The following FMO1 variants were observed in gnomAD, a reference collection of about 807,000 sequenced individuals.
FMO1 encodes flavin-containing monooxygenase 1.
A neutral mutation model predicts 45.4 loss-of-function variants in FMO1; 36 were observed. The observed-to-expected ratio is 0.79, with a 90% CI of 0.61 to 1.05. The LOEUF (loss-of-function observed/expected upper bound fraction) is 1.05. Among genes scored for constraint, FMO1 ranks in the 50% least tolerant of loss-of-function variants. The probability of loss-of-function intolerance (pLI) is 0.00; values close to 1 mark genes in which losing one functional copy is unlikely to be tolerated. For synonymous variants in FMO1, 228 were observed against 227.2 expected (o/e 1.00, Z -0.03); for missense variants, 615 against 640.3 (o/e 0.96, Z 0.43).
chr1:171,280,337 A>C (rs1371497104), intron 5 of FMO1, among the ~76,000 whole-genome samples: 1 of 152,240 alleles, frequency 6.6e-6, no homozygotes, highest in Non-Finnish European at 1.5e-5. Flanking sequence ...CAATGTTAAA[A>C]AGAACAAATA....
At position 171,275,357 on chromosome 1, in the gene FMO1, C is replaced by T. The variant is rs558070598; in HGVS notation, c.333C>T (p.Cys111=). 1 of 1,613,434 alleles carries T rather than the reference C, an allele frequency of 6.2e-7. No homozygotes were observed. Among genetic ancestry groups the T allele is most frequent in the Admixed American group, 1.7e-5 (1 of 59,960 alleles). ...LKHIQFKTKV[C]SVTKCSDSAV... ...GATTCTTTTTTCAGACCAAAGTCTGCAGTGTAACAAAATGCTCAGATTCTG... is the reference window on the plus strand; with the variant it reads ...GATTCTTTTTTCAGACCAAAGTCTGTAGTGTAACAAAATGCTCAGATTCTG... The change falls in exon 4 of 9, where the codon TGC becomes TGT. Residue 111 remains cysteine (C), a synonymous_variant. Coordinates refer to ENST00000617670, the MANE Select transcript of FMO1 (RefSeq NM_001282693.2).
Position 171,282,045 on chromosome 1 carries a change from A to G in FMO1, c.895A>G (p.Ile299Val). The stretch of plus-strand genomic sequence containing the variant: ...ACGCATCATCACTGGGAAAGTGTTC[A>G]TCAGGCCAAGCATAAAAGAGGTAAA... ...PGRIITGKVF[I>V]RPSIKEVKEN... Residue 299 changes from isoleucine (I) to valine (V), a missense_variant, in exon 7 of 9, where the codon ATC (isoleucine) becomes GTC (valine). Ile to Val is a conservative substitution (Grantham distance 29). Coordinates refer to ENST00000617670, the MANE Select transcript of FMO1 (RefSeq NM_001282693.2). 1 of 1,613,776 alleles carries G rather than the reference A, an allele frequency of 6.2e-7. No individual in the cohort carries two copies. Among genetic ancestry groups the G allele is most frequent in the Non-Finnish European group, 8.5e-7 (1 of 1,179,894 alleles).
intron 2 of FMO1, among the ~76,000 whole-genome samples, chr1:171,259,660 C>T (rs28384863): frequency 0.014 from 2,189 of 152,220 alleles, 22 homozygotes; most frequent in African/African-American, 0.024. Context: ...AAAAACTAAA[C>T]CTAAAGATCA....
chr1:171,273,263 C>T (rs990222776), intron 3 of FMO1, among the ~76,000 whole-genome samples: 1 of 152,158 alleles, frequency 6.6e-6, no homozygotes, highest in African/African-American at 2.4e-5. Context: ...CTCCATTAGA[C>T]CTTTTTCCTT....
chr1:171,283,240 C>CT (rs771890990), intron 8 of FMO1, 24 bp downstream of exon 8: 2 of 391,870 alleles, frequency 5.1e-6, no homozygotes, highest in African/African-American at 5.5e-5. Context: ...TTAATGCACC[C>CT]TTTTTAAATT....
At position 171,278,765 on chromosome 1, in the gene FMO1, G is replaced by A. The variant is rs377169079; in HGVS notation, c.521G>A (p.Arg174Gln). Residue 174 changes from arginine to glutamine, a missense_variant, in exon 5 of 9, where the codon CGG becomes CAG. Transcript: ENST00000617670. ...TTTAAAGGCCAGTACTTTCATAGCCGGCAATATAAGCATCCAGATATATTT... is the reference window on the plus strand; with the variant it reads ...TTTAAAGGCCAGTACTTTCATAGCCAGCAATATAAGCATCCAGATATATTT... The part of the protein sequence containing the change: ...NAFKGQYFHS[R>Q]QYKHPDIFKD... 1.7e-5 allele frequency: 27 copies of A among 1,609,334 alleles called. No individual in the cohort carries two copies. The highest frequency in any genetic ancestry group is 6.7e-5 in the East Asian group (3 of 44,840).
chr1:171,264,906 A>T (rs1660548795), intron 2 of FMO1, among the ~76,000 whole-genome samples: 1 of 149,706 alleles, frequency 6.7e-6, no homozygotes, highest in South Asian at 2.1e-4. Context: ...CTCAAAAAAA[A>T]ACAAAAACAA....
intron 8 of FMO1, 27 bp from the exon 9 acceptor site, chr1:171,285,175 T>C: frequency 2.1e-6 from 3 of 1,445,560 alleles, no homozygotes; most frequent in Non-Finnish European, 2.8e-6. Context: ...TGTCTTCACC[T>C]TTTCCCCCAA....
rs1046522791 is a variant in FMO1 at position 171,280,959 on chromosome 1, A to G, written c.801A>G (p.Ala267=). Reference sequence around the variant, plus strand: ...AGATAAACAACTGGCTCAATCATGCAAATTACGGCTTAATACCAGAAGACA... The same window carrying G: ...AGATAAACAACTGGCTCAATCATGCGAATTACGGCTTAATACCAGAAGACA... ...ERKINNWLNH[A]NYGLIPEDRT... is the part of the protein sequence containing the mutation. Residue 267 remains alanine (A), a synonymous_variant, in exon 6 of 9, where the codon GCA becomes GCG. Coordinates refer to ENST00000617670, the MANE Select transcript of FMO1 (RefSeq NM_001282693.2). The G allele has an allele frequency of 1.9e-6, 3 of 1,613,824 alleles. No individual in the cohort carries two copies. Among genetic ancestry groups the G allele is most frequent in the Non-Finnish European group, 2.5e-6 (3 of 1,179,802 alleles).
In FMO1 at chr1:171,278,872, G is replaced by T; in HGVS notation, c.627+1G>T. 1.9e-6 allele frequency: 3 copies of T among 1,608,820 alleles called. No homozygotes were observed. Among genetic ancestry groups the T allele is most frequent in the Non-Finnish European group, 2.5e-6 (3 of 1,176,820 alleles). On this transcript the variant is annotated splice_donor_variant, in intron 5 of 8. Transcript: ENST00000617670. LOFTEE classifies it high-confidence loss of function. ...GGAGGCCAGCCACCTGGCGGAAAAG[G>T]TACATTCCTGATGTTACTGGGTGAA... is the stretch of plus-strand genomic sequence containing the variant.
intron 3 of FMO1, among the ~76,000 whole-genome samples, chr1:171,268,908 G>A (rs1038266580): frequency 6.6e-6 from 1 of 152,186 alleles, no homozygotes; most frequent in Admixed American, 6.5e-5. Flanking sequence ...AACCATGGGG[G>A]CAGGTCTTTC....
chr1:171,279,067 C>A (rs539831640), intron 5 of FMO1, among the ~76,000 whole-genome samples, 196 bp downstream of exon 5: 2 of 151,418 alleles, frequency 1.3e-5, no homozygotes, highest in African/African-American at 4.9e-5. Flanking sequence ...CCTCCAAAAC[C>A]AACTTCTCTG....
Position 171,281,988 on chromosome 1 carries a change from A to G in FMO1, c.838A>G (p.Lys280Glu). The change falls in exon 7 of 9, where the codon AAA becomes GAA. Residue 280 changes from lysine to glutamate, a missense_variant. Transcript: ENST00000617670. ...GLIPEDRTQL[K>E]EFVLNDELPG... ...CATGTTTTTGTTTAGGACTCAGCTG[A>G]AAGAGTTTGTGCTAAATGATGAGCT... The G allele has an allele frequency of 6.2e-7, 1 of 1,602,448 alleles. No homozygotes were observed. Among genetic ancestry groups the G allele is most frequent in the East Asian group, 2.2e-5 (1 of 44,776 alleles).
intron 2 of FMO1, among the ~76,000 whole-genome samples, chr1:171,264,965 AC>A (rs1363553116): frequency 3.3e-5 from 5 of 152,146 alleles, no homozygotes; most frequent in African/African-American, 1.2e-4. Flanking sequence ...GTCAGCATCC[AC>A]ATGTTTGTTA....
intron 3 of FMO1, chr1:171,271,223 T>G (rs1660850170): frequency 1.1e-6 from 1 of 925,590 alleles, no homozygotes; most frequent in Non-Finnish European, 1.8e-6. Flanking sequence ...ACGACATCAC[T>G]AATGGGCAGG....
At chr1:171,275,553 C>A in intron 4 of FMO1, 45 bp downstream of exon 4, 7 of 1,391,694 alleles carry the variant, frequency 5.0e-6, no homozygotes, top group Non-Finnish European at 7.0e-6. Flanking sequence ...TCGTGGGAGC[C>A]ATTCTGATGC....
At chr1:171,262,474 A>G (rs1322829260) in intron 2 of FMO1, among the ~76,000 whole-genome samples, 2 of 152,202 alleles carry the variant, frequency 1.3e-5, no homozygotes, top group African/African-American at 4.8e-5. Flanking sequence ...CCTCATGTGC[A>G]TCCAGTTCTT....
At chr1:171,268,131 G>A (rs893544472) in intron 3 of FMO1, among the ~76,000 whole-genome samples, 1 of 152,142 alleles carries the variant, frequency 6.6e-6, no homozygotes, top group Non-Finnish European at 1.5e-5. Flanking sequence ...TTGTTGCCCA[G>A]GCTGGAGTGC....
In FMO1 at chr1:171,265,116, C is replaced by A. The variant is rs28360377; in HGVS notation, c.133-2427C>A. 2.8e-3 allele frequency among the ~76,000 whole-genome samples: 423 copies of A among 152,018 alleles called. 12 individuals are homozygous for A. Among genetic ancestry groups the A allele is most frequent in the Admixed American group, 0.025 (375 of 15,270 alleles). ...TATAATAAAAAAGAATCCGGCCGGG[C>A]GAGGTGGCTCATGCTTGTAATCCCA... On this transcript the variant is annotated intron_variant, in intron 2 of 8. Coordinates refer to ENST00000617670, the MANE Select transcript of FMO1 (RefSeq NM_001282693.2).
Sources: gnomAD v4.1 joint callset for allele counts (sites outside exome capture counted in the v4.1 genomes callset) on GRCh38, gnomAD v4.1.1 for gene constraint, MANE v1.5 for transcripts, NCBI Gene and HGNC (gene_info 2026-07-23, HGNC 2026-07-21) for gene names.